Variants in SNTG2 observed in about 807,000 individuals in gnomAD.
The protein encoded by SNTG2 is gamma-2-syntrophin.
In SNTG2, 74 loss-of-function variants were observed where a neutral mutation model predicts 70.9. That is an observed-to-expected ratio of 1.04 (90% CI 0.86 to 1.27). SNTG2 has a LOEUF of 1.27. SNTG2 is among the 50% of genes most tolerant of loss of function. The pLI is 0.00. For synonymous variants in SNTG2, 278 were observed against 273.8 expected (o/e 1.02, Z -0.15); for missense variants, 717 against 690.7 (o/e 1.04, Z -0.43).
chr2:1,282,215 C>A (rs1458352216), intron 14 of SNTG2, among the ~76,000 whole-genome samples: 1 of 152,116 alleles, frequency 6.6e-6, no homozygotes, highest in Non-Finnish European at 1.5e-5. Flanking sequence ...TCTTCCGCAG[C>A]GAAGTGAATT....
intron 12 of SNTG2, among the ~76,000 whole-genome samples, chr2:1,249,633 TAAATAC>T (rs1677641719): frequency 1.3e-5 from 2 of 152,236 alleles, no homozygotes; most frequent in South Asian, 4.1e-4. Flanking sequence ...AAAAAAGTAA[TAAATAC>T]AAATAAGCAA....
rs1034460151 is a variant in SNTG2, at chr2:1,097,847, G to A, written c.211-349G>A. The stretch of plus-strand genomic sequence containing the variant: ...GTTCTAAAACAGGACTGAGTGCTCC[G>A]CCCCACTTCCCTTTCACCACCTGGG... On this transcript the variant is annotated intron_variant, in intron 2 of 16. Transcript: ENST00000308624. The surrounding 1 kb of genome is among the most constrained non-coding windows in gnomAD (Gnocchi z 4.1). Among the ~76,000 whole-genome samples the A allele has an allele frequency of 4.0e-5, 6 of 151,756 alleles. No individual in the cohort carries two copies. Among genetic ancestry groups the A allele is most frequent in the East Asian group, 2.0e-4 (1 of 5,082 alleles).
rs149846732 is a variant in SNTG2, at chr2:1,314,992, G to A, written c.1378-1273G>A. On this transcript the variant is annotated intron_variant, in intron 15 of 16. Coordinates refer to ENST00000308624, the MANE Select transcript of SNTG2 (RefSeq NM_018968.4). ...ACAATTCAAGATGAGATTTGGGTGG[G>A]GACACAGCTAAACCATATCACATGG... Among the ~76,000 whole-genome samples, 557 of 152,268 alleles carry A rather than the reference G, an allele frequency of 3.7e-3. 4 individuals are homozygous for A. Among genetic ancestry groups the A allele is most frequent in the African/African-American group, 0.012 (502 of 41,554 alleles).
Position 1,156,006 on chromosome 2 carries a change from C to T in SNTG2, c.412-9542C>T, listed in dbSNP as rs533765258. ...GCCAGGCCAGGCCAGGCCAGGACAC[C>T]GCAGACAAAGGAACCCCGCCGAGGA... On this transcript the variant is annotated intron_variant, in intron 6 of 16. Coordinates refer to ENST00000308624, the MANE Select transcript of SNTG2 (RefSeq NM_018968.4). Among the ~76,000 whole-genome samples, 28 of 152,126 alleles carry T rather than the reference C, an allele frequency of 1.8e-4. No homozygotes were observed. In the South Asian group the frequency reaches 4.6e-3, roughly 25 times the overall value.
chr2:1,089,625 A>G (rs1664891156), intron 2 of SNTG2, among the ~76,000 whole-genome samples: 1 of 63,626 alleles, frequency 1.6e-5, no homozygotes, highest in South Asian at 4.8e-4. Flanking sequence ...ACAGAGCGAA[A>G]CTCCGTCTCA....
chr2:1,230,294 T>C (rs1676125623), intron 9 of SNTG2, among the ~76,000 whole-genome samples: 1 of 152,214 alleles, frequency 6.6e-6, no homozygotes, highest in South Asian at 2.1e-4. Flanking sequence ...CACAATTTTA[T>C]AAACAGATGG....
chr2:1,116,525 C>T (rs1666981452), intron 4 of SNTG2, among the ~76,000 whole-genome samples: 1 of 149,164 alleles, frequency 6.7e-6, no homozygotes, highest in Non-Finnish European at 1.5e-5. Context: ...TGTGTGGGTG[C>T]TCCAGTGTAT....
rs1659642262 is a variant in SNTG2 at position 1,008,750 on chromosome 2, AG to A, written c.72+57683del. Among the ~76,000 whole-genome samples, 3 of 152,220 alleles carry A rather than the reference AG, an allele frequency of 2.0e-5. 1 individual carries two copies. Among genetic ancestry groups the A allele is most frequent in the Admixed American group, 6.5e-5 (1 of 15,280 alleles). ...CATCTGGTTTGGAGTAGATTTGGAT[AG>A]TAATTAGTATTTTTGCTTTTCCATA... On this transcript the variant is annotated intron_variant, in intron 1 of 16. Transcript: ENST00000308624.
intron 8 of SNTG2, among the ~76,000 whole-genome samples, chr2:1,204,343 C>CTT (rs1443190949): frequency 6.7e-6 from 1 of 149,924 alleles, no homozygotes; most frequent in Admixed American, 6.7e-5. Flanking sequence ...AAGTGCAAAG[C>CTT]TTTTCAGTGA....
chr2:1,061,785 A>G (rs903384355), intron 1 of SNTG2, among the ~76,000 whole-genome samples: 4 of 152,140 alleles, frequency 2.6e-5, no homozygotes, highest in African/African-American at 9.7e-5. Flanking sequence ...AAAATCTTAA[A>G]ACCCTCACAG....
chr2:967,147 G>T (rs900217827), intron 1 of SNTG2, among the ~76,000 whole-genome samples: 18 of 152,254 alleles, frequency 1.2e-4, no homozygotes, highest in Admixed American at 2.0e-4. Context: ...GCAGACCAGG[G>T]ACAGGAGTGC....
intron 4 of SNTG2, among the ~76,000 whole-genome samples, chr2:1,099,765 T>C (rs1180690540): frequency 6.6e-6 from 1 of 150,810 alleles, no homozygotes; most frequent in African/African-American, 2.5e-5. Flanking sequence ...CAGTGGGATT[T>C]GGATTCCCCA....
intron 8 of SNTG2, among the ~76,000 whole-genome samples, chr2:1,201,217 A>T (rs1055055980): frequency 1.3e-5 from 2 of 152,064 alleles, no homozygotes; most frequent in Admixed American, 1.3e-4. Flanking sequence ...ATTCAACCAT[A>T]AAATAGTAAA....
intron 1 of SNTG2, among the ~76,000 whole-genome samples, chr2:1,041,185 G>A (rs1572279289): frequency 1.3e-5 from 2 of 152,258 alleles, no homozygotes; most frequent in South Asian, 2.1e-4. Context: ...TTTTGTTTGT[G>A]TTGCTCTCAG....
At chr2:1,135,397 G>A (rs564726089) in intron 4 of SNTG2, among the ~76,000 whole-genome samples, 9 of 152,314 alleles carry the variant, frequency 5.9e-5, no homozygotes, top group African/African-American at 1.9e-4. Context: ...GTCATTTACT[G>A]TGTGATTACC....
chr2:1,190,462 C>T (rs1449288526), intron 8 of SNTG2, among the ~76,000 whole-genome samples: 9 of 134,250 alleles, frequency 6.7e-5, no homozygotes, highest in Admixed American at 3.8e-4. Context: ...TGATTGAATC[C>T]ACAGATGTGG....
At chr2:1,197,084 T>G (rs191635143) in intron 8 of SNTG2, among the ~76,000 whole-genome samples, 2 of 151,928 alleles carry the variant, frequency 1.3e-5, no homozygotes, top group Non-Finnish European at 2.9e-5. Flanking sequence ...AGAAAACAAT[T>G]AACAAAATGA....
chr2:1,194,439 T>C (rs771593359), intron 8 of SNTG2, among the ~76,000 whole-genome samples: 2 of 152,202 alleles, frequency 1.3e-5, no homozygotes, highest in African/African-American at 2.4e-5. Flanking sequence ...TCTTTCTTTC[T>C]TAGAACTTCT....
At chr2:1,052,807 G>A (rs1366199842) in intron 1 of SNTG2, among the ~76,000 whole-genome samples, 1 of 152,164 alleles carries the variant, frequency 6.6e-6, no homozygotes, top group African/African-American at 2.4e-5. Context: ...GCCTACCCTG[G>A]GATGAGGTCG....
Sources: allele counts gnomAD v4.1 joint callset (sites outside exome capture counted in the v4.1 genomes callset), GRCh38; gene constraint gnomAD v4.1.1; non-coding constraint Gnocchi (gnomAD v3.1); transcripts MANE v1.5; gene names NCBI Gene and HGNC (gene_info 2026-07-23, HGNC 2026-07-21).